Variants in DPP4 observed in about 807,000 individuals in gnomAD.
DPP4 encodes ADCP-2.
In DPP4, 93 loss-of-function variants were observed where a neutral mutation model predicts 122.4. That is an observed-to-expected ratio of 0.76 (90% CI 0.64 to 0.90). The LOEUF is 0.90. Ranked by LOEUF, DPP4 falls within the 40% of genes least tolerant of loss-of-function variation. The pLI is 0.00. For synonymous variants in DPP4, 321 were observed against 302.9 expected, an observed-to-expected ratio of 1.06 and a Z score of -0.62; for missense variants, 914 against 907.3, an observed-to-expected ratio of 1.01 and a Z score of -0.09.
chr2:162,007,373 A>G (rs1169717765), intron 22 of DPP4, among the ~76,000 whole-genome samples: 2 of 152,108 alleles, frequency 1.3e-5, no homozygotes, highest in Non-Finnish European at 2.9e-5. Context: ...ATTTACATGT[A>G]TAAGAAGATC....
At chr2:162,039,793 A>G (rs1320969950) in intron 5 of DPP4, among the ~76,000 whole-genome samples, 1 of 152,050 alleles carries the variant, frequency 6.6e-6, no homozygotes, top group Admixed American at 6.6e-5. Context: ...ACTAAATCCA[A>G]AGTAATTAGA....
chr2:162,053,054 A>G (rs893647075), intron 2 of DPP4, among the ~76,000 whole-genome samples: 1 of 152,260 alleles, frequency 6.6e-6, no homozygotes, highest in Admixed American at 6.5e-5. Flanking sequence ...AAATGTGAGA[A>G]GAGAAAAACA....
At chr2:162,007,425 T>C (rs1331445040) in intron 22 of DPP4, among the ~76,000 whole-genome samples, 1 of 152,128 alleles carries the variant, frequency 6.6e-6, no homozygotes, top group African/African-American at 2.4e-5. Context: ...TATGCATAAC[T>C]GCATAATACA....
intron 2 of DPP4, among the ~76,000 whole-genome samples, chr2:162,070,119 G>A (rs1559729022): frequency 6.6e-6 from 1 of 152,122 alleles, no homozygotes; most frequent in South Asian, 2.1e-4. Flanking sequence ...ATTTCTCACT[G>A]ATTCTTGGGG....
intron 2 of DPP4, among the ~76,000 whole-genome samples, chr2:162,049,568 T>C (rs909407867): frequency 2.7e-4 from 41 of 152,068 alleles, no homozygotes; most frequent in Admixed American, 1.4e-3. Context: ...TTGATCTGTG[T>C]TGCAAACCAC....
chr2:162,073,204 C>G, intron 2 of DPP4, 195 bp downstream of exon 2: 2 of 529,626 alleles, frequency 3.8e-6, no homozygotes, highest in Non-Finnish European at 6.8e-6. Flanking sequence ...GAGTTTCAGC[C>G]TAAACACTGA....
At chr2:162,056,751 C>T (rs1368713736) in intron 2 of DPP4, among the ~76,000 whole-genome samples, 6 of 152,110 alleles carry the variant, frequency 3.9e-5, no homozygotes, top group Admixed American at 2.0e-4. Flanking sequence ...ATAGGAGGGG[C>T]CTGAATTCTG....
chr2:162,047,653 G>T (rs1684235758), intron 2 of DPP4, 152 bp from the exon 3 acceptor site: 1 of 506,858 alleles, frequency 2.0e-6, no homozygotes, highest in East Asian at 2.9e-5. Flanking sequence ...AAAGACTTCA[G>T]ACTGAATGGA....
At chr2:162,057,746 T>C (rs1684624370) in intron 2 of DPP4, among the ~76,000 whole-genome samples, 2 of 152,200 alleles carry the variant, frequency 1.3e-5, no homozygotes, top group Admixed American at 6.5e-5. Flanking sequence ...CCAATTTTCA[T>C]ATTAAATCTC....
At position 162,019,222 on chromosome 2, in the gene DPP4, C is replaced by CT; in HGVS notation, c.1298dup (p.Ile434AsnfsTer4). 1 of 1,597,044 alleles carries CT rather than the reference C, an allele frequency of 6.3e-7. No individual in the cohort carries two copies. Among genetic ancestry groups the CT allele is most frequent in the Non-Finnish European group, 8.6e-7 (1 of 1,168,058 alleles). Reference sequence around the variant, plus strand: ...AGTCAACAACTTGACAGAGCTCTTACTTATAAAGATTCCTTCCTCCTGGCA... The same window carrying CT: ...AGTCAACAACTTGACAGAGCTCTTACTTTATAAAGATTCCTTCCTCCTGGCA... On this transcript the variant is annotated frameshift_variant and splice_region_variant. Coordinates refer to ENST00000360534, the MANE Select transcript of DPP4 (RefSeq NM_001935.4). LOFTEE classifies it high-confidence loss of function.
At chr2:162,006,724 A>G (rs1253497985) in intron 22 of DPP4, among the ~76,000 whole-genome samples, 1 of 152,126 alleles carries the variant, frequency 6.6e-6, no homozygotes, top group Non-Finnish European at 1.5e-5. Flanking sequence ...AAATATCAGT[A>G]AAAAAATTAT....
intron 9 of DPP4, 103 bp downstream of exon 9, chr2:162,035,061 G>C (rs111306604): frequency 8.3e-7 from 1 of 1,206,768 alleles, no homozygotes; most frequent in African/African-American, 1.5e-5. Context: ...ACAGCAAGCT[G>C]TTGAAGAGAG....
chr2:161,994,846 A>T (rs937532869), intron 25 of DPP4, 115 bp downstream of exon 25: 26 of 975,870 alleles, frequency 2.7e-5, no homozygotes, highest in South Asian at 8.9e-5. Context: ...TGAAAAAAAA[A>T]TTTTTAATGT....
intron 18 of DPP4, among the ~76,000 whole-genome samples, chr2:162,016,447 CTAG>C (rs996519618): frequency 3.3e-5 from 5 of 152,080 alleles, no homozygotes; most frequent in Admixed American, 6.5e-5. Context: ...GTGAAATATG[CTAG>C]GATGTCATTA....
At chr2:162,017,944 C>T (rs371916823) in intron 16 of DPP4, among the ~76,000 whole-genome samples, 3 of 151,940 alleles carry the variant, frequency 2.0e-5, no homozygotes. Flanking sequence ...ATAATATCTA[C>T]TTGATAGAGA....
intron 18 of DPP4, among the ~76,000 whole-genome samples, chr2:162,015,460 C>G (rs1315330859): frequency 6.6e-6 from 1 of 152,118 alleles, no homozygotes; most frequent in Non-Finnish European, 1.5e-5. Flanking sequence ...ATCAGTTGAC[C>G]ATGATATTTT....
chr2:162,070,727 G>C (rs1002465480), intron 2 of DPP4, among the ~76,000 whole-genome samples: 1 of 152,256 alleles, frequency 6.6e-6, no homozygotes, highest in South Asian at 2.1e-4. Flanking sequence ...GCCCAGGAAA[G>C]GTATTGCTGA....
chr2:162,032,712 A>AACAAC (rs1683597047), intron 10 of DPP4, among the ~76,000 whole-genome samples: 1 of 151,096 alleles, frequency 6.6e-6, no homozygotes, highest in African/African-American at 2.5e-5. Context: ...ACAACAACAA[A>AACAAC]AAAAAAAACA....
chr2:162,045,131 A>G (rs1451364591), intron 5 of DPP4, among the ~76,000 whole-genome samples: 2 of 151,346 alleles, frequency 1.3e-5, no homozygotes, highest in Non-Finnish European at 2.9e-5. Flanking sequence ...CCCGACTTTA[A>G]CTCTTTTAAA....
Sources: gnomAD v4.1 joint callset for allele counts (sites outside exome capture counted in the v4.1 genomes callset) on GRCh38, gnomAD v4.1.1 for gene constraint, MANE v1.5 for transcripts, NCBI Gene and HGNC (gene_info 2026-07-23, HGNC 2026-07-21) for gene names.